RAD51C: variants seen among roughly 807,000 people sequenced by gnomAD.
RAD51C encodes the protein DNA repair protein RAD51 homolog 3.
RAD51C carries 42 observed loss-of-function variants against 45.0 expected under a neutral mutation model. The observed-to-expected ratio is 0.93, with a 90% CI of 0.73 to 1.21. The LOEUF (loss-of-function observed/expected upper bound fraction) is 1.21, where lower values mean the gene tolerates loss of function less well. Among genes scored for constraint, RAD51C ranks in the 50% most tolerant of loss-of-function variants. The pLI, the probability that RAD51C is intolerant of heterozygous loss-of-function variation, is 0.00. For missense variants in RAD51C, 474 were observed against 452.2 expected (o/e 1.05, Z -0.44); for synonymous variants, 172 against 159.8 (o/e 1.08, Z -0.58).
Position 58,703,251 on chromosome 17 carries a change from T to G in RAD51C, c.627T>G (p.Tyr209Ter). Reference protein sequence around the residue: ...FTLDNILSHIYYFRCRDYTEL... With the variant: ...FTLDNILSHI The stretch of plus-strand genomic sequence containing the variant: ...TTGATAATATTCTTTCTCATATTTA[T>G]TATTTTCGCTGTCGTGACTACACAG... Residue 209 changes from tyrosine to a stop codon, truncating the protein, a stop_gained, in exon 4 of 9, where the codon TAT becomes TAG. Coordinates refer to ENST00000337432, the MANE Select transcript of RAD51C (RefSeq NM_058216.3). LOFTEE classifies it high-confidence loss of function. 1 of 1,608,030 alleles carries G rather than the reference T, an allele frequency of 6.2e-7. No individual in the cohort carries two copies. The highest frequency in any genetic ancestry group is 8.5e-7 in the Non-Finnish European group (1 of 1,174,602).
At chr17:58,694,313 A>G (rs1456389754) in intron 1 of RAD51C, 1 of 153,350 alleles carries the variant, frequency 6.5e-6, no homozygotes, top group African/African-American at 2.4e-5. Context: ...TTATGGCTTC[A>G]TAAGACCAAA....
rs559955979 is a variant in RAD51C, at chr17:58,694,881, A to G, written c.146-50A>G. 9.9e-5 allele frequency: 145 copies of G among 1,461,010 alleles called. No individual in the cohort carries two copies. In the South Asian group the frequency reaches 1.5e-3, roughly 15 times the overall value. The allele number at this position is 1,461,010 out of a possible 1,614,324, so 90.5% of individuals were successfully genotyped here. A position where few individuals can be genotyped will look rare whatever the true frequency, so the allele number is the denominator to read the frequency against. On this transcript the variant is annotated intron_variant, in intron 1 of 8. Transcript: ENST00000337432. The stretch of plus-strand genomic sequence containing the variant: ...TAAAGACAATCGATTATCATGTTAC[A>G]CTTTTAAATCTCTAAAATTAGGGTT...
At chr17:58,712,261 T>C (rs2048580616) in intron 5 of RAD51C, among the ~76,000 whole-genome samples, 1 of 147,082 alleles carries the variant, frequency 6.8e-6, no homozygotes, top group South Asian at 2.1e-4. Flanking sequence ...AGGGGAATCA[T>C]TTGAACCCAG....
intron 6 of RAD51C, among the ~76,000 whole-genome samples, chr17:58,721,716 G>A (rs893710131): frequency 2.6e-5 from 4 of 151,154 alleles, no homozygotes; most frequent in South Asian, 2.1e-4. Flanking sequence ...CCACGGTCGC[G>A]CCATTGCACT....
At chr17:58,723,203 A>G (rs1162371324) in intron 6 of RAD51C, among the ~76,000 whole-genome samples, 2 of 152,072 alleles carry the variant, frequency 1.3e-5, no homozygotes, top group African/African-American at 4.8e-5. Flanking sequence ...TGAGCCCATC[A>G]TCTCTACCTC....
chr17:58,726,018 A>G (rs1319437404), intron 7 of RAD51C, among the ~76,000 whole-genome samples: 1 of 150,544 alleles, frequency 6.6e-6, no homozygotes, highest in Non-Finnish European at 1.5e-5. Context: ...AAAAAAAAAC[A>G]AGAAAATGAT....
chr17:58,709,801 TTTATTA>T (rs886038710), intron 4 of RAD51C, 52 bp from the exon 5 acceptor site: 7 of 1,495,650 alleles, frequency 4.7e-6, no homozygotes, highest in Admixed American at 1.7e-5. Flanking sequence ...AGAGAGCATT[TTTATTA>T]TTATTATTTT....
In RAD51C at chr17:58,695,030, A is replaced by G. The variant is rs1555593600; in HGVS notation, c.245A>G (p.His82Arg). 1.2e-6 allele frequency: 2 copies of G among 1,614,120 alleles called. No homozygotes were observed. Among genetic ancestry groups the G allele is most frequent in the South Asian group, 1.1e-5 (1 of 91,086 alleles). The part of the protein sequence containing the change: ...KPRYAGTSES[H>R]KKCTALELLE... ...AGATATGCTGGTACATCTGAGTCAC[A>G]CAAGAAGTGTACAGCACTGGAACTT... The change falls in exon 2 of 9, where the codon CAC becomes CGC. Residue 82 changes from histidine (H) to arginine (R), a missense_variant. Coordinates refer to ENST00000337432, the MANE Select transcript of RAD51C (RefSeq NM_058216.3).
chr17:58,729,759 A>G (rs991624870), intron 7 of RAD51C, among the ~76,000 whole-genome samples: 2 of 151,662 alleles, frequency 1.3e-5, no homozygotes, highest in Non-Finnish European at 2.9e-5. Context: ...TTTAGTAGAG[A>G]CAGGGTTTCA....
intron 2 of RAD51C, chr17:58,695,447 T>C: frequency 1.0e-6 from 1 of 954,350 alleles, no homozygotes; most frequent in Non-Finnish European, 1.4e-6. Context: ...AGGAAGTTTC[T>C]GCGTTATTCA....
chr17:58,714,820 T>C (rs2048676253), intron 5 of RAD51C, among the ~76,000 whole-genome samples: 1 of 152,206 alleles, frequency 6.6e-6, no homozygotes, highest in Non-Finnish European at 1.5e-5. Flanking sequence ...AATATGTTTT[T>C]TGGATTATTG....
chr17:58,723,255 C>T (rs182301829), intron 6 of RAD51C, among the ~76,000 whole-genome samples: 86 of 152,080 alleles, frequency 5.7e-4, no homozygotes, highest in Admixed American at 3.2e-3. Context: ...ACTGTGTCTG[C>T]ATGATATGAT....
chr17:58,720,022 C>T (rs922779535), intron 5 of RAD51C, among the ~76,000 whole-genome samples: 21 of 151,006 alleles, frequency 1.4e-4, no homozygotes, highest in African/African-American at 4.1e-4. Flanking sequence ...GTGATTCGCC[C>T]GTCTTGGCCT....
chr17:58,709,801 T>TTTA, intron 4 of RAD51C, 58 bp from the exon 5 acceptor site: 1 of 1,495,766 alleles, frequency 6.7e-7, no homozygotes, highest in Non-Finnish European at 9.3e-7. Context: ...AGAGAGCATT[T>TTTA]TTATTATTAT....
At chr17:58,716,635 T>C (rs2143899437) in intron 5 of RAD51C, among the ~76,000 whole-genome samples, 1 of 151,148 alleles carries the variant, frequency 6.6e-6, no homozygotes, top group Non-Finnish European at 1.5e-5. Flanking sequence ...GCTATTTTTT[T>C]GTATTTTTAG....
At chr17:58,711,008 TAA>T (rs1268585732) in intron 5 of RAD51C, among the ~76,000 whole-genome samples, 1 of 152,220 alleles carries the variant, frequency 6.6e-6, no homozygotes, top group Non-Finnish European at 1.5e-5. Context: ...ACTTCCTCAG[TAA>T]AGTCATTTTA....
In RAD51C at chr17:58,735,436, A is replaced by T. The variant is rs1043846452; in HGVS notation, c.*1214A>T. ...GGTCTCAAACTCCTGGTCTCAAGCGATCCTCTTGCCTTGTCTTCCCAAAGT... is the reference window on the plus strand; with the variant it reads ...GGTCTCAAACTCCTGGTCTCAAGCGTTCCTCTTGCCTTGTCTTCCCAAAGT... On this transcript the variant is annotated 3_prime_UTR_variant, in exon 9 of 9. Coordinates refer to ENST00000337432, the MANE Select transcript of RAD51C (RefSeq NM_058216.3). 1 of 152,112 alleles carries T rather than the reference A, an allele frequency of 6.6e-6. No individual in the cohort carries two copies. Among genetic ancestry groups the T allele is most frequent in the Non-Finnish European group, 1.5e-5 (1 of 68,122 alleles). 9.4% of individuals were successfully genotyped at this position (152,112 alleles called of 1,614,324 possible).
intron 5 of RAD51C, among the ~76,000 whole-genome samples, chr17:58,715,784 T>C (rs926437406): frequency 6.6e-6 from 1 of 152,166 alleles, no homozygotes; most frequent in East Asian, 1.9e-4. Flanking sequence ...CTGAAGTTCA[T>C]AATTTCAAGT....
At chr17:58,702,856 T>C (rs1453545147) in intron 3 of RAD51C, among the ~76,000 whole-genome samples, 1 of 152,036 alleles carries the variant, frequency 6.6e-6, no homozygotes, top group Non-Finnish European at 1.5e-5. Flanking sequence ...GAGTGAGACC[T>C]TATCTCTAAA....
Sources: allele counts gnomAD v4.1 joint callset (sites outside exome capture counted in the v4.1 genomes callset), GRCh38; gene constraint gnomAD v4.1.1; transcripts MANE v1.5; gene names NCBI Gene and HGNC (gene_info 2026-07-23, HGNC 2026-07-21).